STK39: variants seen among roughly 807,000 people sequenced by gnomAD.
STK39 encodes serine/threonine kinase 39, also known as STE20/SPS1-related proline-alanine-rich protein kinase.
A neutral mutation model predicts 77.8 loss-of-function variants in STK39; 20 were observed. That is an observed-to-expected ratio of 0.26 (90% confidence interval 0.18 to 0.37). The LOEUF (loss-of-function observed/expected upper bound fraction) is 0.37, where lower values mean the gene tolerates loss of function less well. Ranked by LOEUF, STK39 falls within the 10% of genes least tolerant of loss-of-function variation. The pLI is 1.00. For synonymous variants in STK39, 246 were observed against 234.1 expected (o/e 1.05, Z -0.47); for missense variants, 479 against 656.5 (o/e 0.73, Z 2.95).
chr2:168,018,884 C>T (rs1482836287), intron 14 of STK39, among the ~76,000 whole-genome samples: 3 of 152,192 alleles, frequency 2.0e-5, no homozygotes, highest in Non-Finnish European at 4.4e-5. Context: ...CAAGGATACA[C>T]AGGGCATGGC....
At chr2:168,070,589 T>TC (rs1685914202) in intron 12 of STK39, among the ~76,000 whole-genome samples, 1 of 109,556 alleles carries the variant, frequency 9.1e-6, no homozygotes, top group South Asian at 3.9e-4. Context: ...ATGCTATCCC[T>TC]CCCCCCTCCC....
At chr2:168,071,590 T>C (rs1574439683) in intron 12 of STK39, among the ~76,000 whole-genome samples, 1 of 152,094 alleles carries the variant, frequency 6.6e-6, no homozygotes, top group Admixed American at 6.5e-5. Context: ...ACTACAAAAA[T>C]TCAAAATCAG....
At chr2:168,047,400 G>A (rs75641125) in intron 14 of STK39, among the ~76,000 whole-genome samples, 4 of 152,264 alleles carry the variant, frequency 2.6e-5, no homozygotes, top group Non-Finnish European at 5.9e-5. Flanking sequence ...CTTCTCTTTC[G>A]GGGGAGGGAG....
At chr2:168,212,295 T>C (rs779171588) in intron 1 of STK39, among the ~76,000 whole-genome samples, 1 of 152,206 alleles carries the variant, frequency 6.6e-6, no homozygotes, top group Non-Finnish European at 1.5e-5. Context: ...AAACTTACTG[T>C]TCTTGAGAAT....
intron 14 of STK39, among the ~76,000 whole-genome samples, chr2:168,023,652 G>A (rs1436505926): frequency 1.3e-5 from 2 of 152,116 alleles, no homozygotes; most frequent in East Asian, 3.8e-4. Context: ...CAGTATGAGG[G>A]CACTCACACT....
chr2:168,117,894 T>C (rs184374020), intron 10 of STK39, among the ~76,000 whole-genome samples: 63 of 152,194 alleles, frequency 4.1e-4, no homozygotes, highest in Admixed American at 3.5e-3. Flanking sequence ...CAAGAAGCCA[T>C]TGAGTTTTCA....
chr2:168,012,091 T>G (rs1474820221), intron 16 of STK39, among the ~76,000 whole-genome samples: 1 of 152,188 alleles, frequency 6.6e-6, no homozygotes, highest in Non-Finnish European at 1.5e-5. Flanking sequence ...TTCTTTGTTA[T>G]ATTTCCAATA....
chr2:167,970,650 G>A (rs936492214), intron 16 of STK39, among the ~76,000 whole-genome samples: 7 of 152,146 alleles, frequency 4.6e-5, no homozygotes, highest in South Asian at 2.1e-4. Context: ...GAAAGACTCC[G>A]TACTTCTATA....
intron 2 of STK39, among the ~76,000 whole-genome samples, chr2:168,173,224 C>T (rs1688871616): frequency 6.6e-6 from 1 of 152,170 alleles, no homozygotes; most frequent in Non-Finnish European, 1.5e-5. Flanking sequence ...TGACCAAATA[C>T]ATCTGTAAAA....
At chr2:168,133,595 G>A (rs1168304485) in intron 8 of STK39, among the ~76,000 whole-genome samples, 6 of 152,016 alleles carry the variant, frequency 3.9e-5, no homozygotes, top group Admixed American at 2.0e-4. Context: ...GGCCAGGAGC[G>A]GTGGCTCACA....
chr2:168,200,263 CT>C (rs1689580246), intron 1 of STK39, among the ~76,000 whole-genome samples: 1 of 152,154 alleles, frequency 6.6e-6, no homozygotes, highest in Admixed American at 6.5e-5. Context: ...TGAAATTAGC[CT>C]TAGGGATCAG....
chr2:168,213,381 T>C (rs1689942174), intron 1 of STK39, among the ~76,000 whole-genome samples: 1 of 152,138 alleles, frequency 6.6e-6, no homozygotes, highest in African/African-American at 2.4e-5. Flanking sequence ...TATTGTTAGA[T>C]AAAAAGATGT....
chr2:167,958,911 C>T (rs918051467), intron 17 of STK39, among the ~76,000 whole-genome samples: 1 of 152,160 alleles, frequency 6.6e-6, no homozygotes. Flanking sequence ...TGACATGTTT[C>T]ATTATACAAT....
At chr2:168,120,282 A>AAGG (rs1687370655) in intron 10 of STK39, among the ~76,000 whole-genome samples, 3 of 152,204 alleles carry the variant, frequency 2.0e-5, no homozygotes, top group Admixed American at 2.0e-4. Context: ...AGGATGCATA[A>AAGG]AGGTGCACAA....
chr2:168,050,575 G>T (rs1157430997), intron 14 of STK39, among the ~76,000 whole-genome samples: 1 of 152,180 alleles, frequency 6.6e-6, no homozygotes, highest in Non-Finnish European at 1.5e-5. Context: ...CAGAAGCAAG[G>T]CCAGAGAGAT....
chr2:168,112,037 T>G (rs1687132406), intron 10 of STK39, among the ~76,000 whole-genome samples: 1 of 152,132 alleles, frequency 6.6e-6, no homozygotes, highest in African/African-American at 2.4e-5. Flanking sequence ...CGAGGACCAA[T>G]TAGGATGGTC....
At chr2:167,957,244 A>G (rs1208965327) in intron 17 of STK39, among the ~76,000 whole-genome samples, 1 of 152,244 alleles carries the variant, frequency 6.6e-6, no homozygotes, top group Non-Finnish European at 1.5e-5. Flanking sequence ...CAGTATTTAA[A>G]GAAAGGAATT....
At chr2:168,053,454 T>C (rs1685447180) in intron 14 of STK39, among the ~76,000 whole-genome samples, 1 of 152,200 alleles carries the variant, frequency 6.6e-6, no homozygotes, top group Admixed American at 6.5e-5. Context: ...AAGAGGCTAA[T>C]AATTATTTCT....
At chr2:168,104,401 A>C (rs1463835388) in intron 10 of STK39, among the ~76,000 whole-genome samples, 1 of 152,226 alleles carries the variant, frequency 6.6e-6, no homozygotes, top group Non-Finnish European at 1.5e-5. Flanking sequence ...CAAAGAAATC[A>C]TTATTGCAAG....
Sources: gnomAD v4.1 joint callset for allele counts (sites outside exome capture counted in the v4.1 genomes callset) on GRCh38, gnomAD v4.1.1 for gene constraint, MANE v1.5 for transcripts, NCBI Gene and HGNC (gene_info 2026-07-23, HGNC 2026-07-21) for gene names.